ZNF43: variants seen among roughly 807,000 people sequenced by gnomAD.
ZNF43 encodes the protein zinc finger protein 43, also known as zinc finger protein 39-like 1 (KOX 27).
ZNF43 carries 44 observed loss-of-function variants against 68.4 expected under a neutral mutation model. The ratio of observed to expected loss-of-function variants is 0.64; its 90% CI spans 0.51 to 0.83. ZNF43 has a LOEUF of 0.83. Among genes scored for constraint, ZNF43 ranks in the 40% least tolerant of loss-of-function variants. The probability of loss-of-function intolerance (pLI) is 0.00; values close to 1 mark genes in which losing one functional copy is unlikely to be tolerated. For missense variants in ZNF43, 896 were observed against 933.2 expected, an observed-to-expected ratio of 0.96 and a Z score of 0.52; for synonymous variants, 308 against 307.8, an observed-to-expected ratio of 1.00 and a Z score of -0.01.
rs1320301909 is a variant in ZNF43, at chr19:21,806,745, T to C, written c.*862A>G. On this transcript the variant is annotated 3_prime_UTR_variant, in exon 4 of 4. Coordinates refer to ENST00000354959, the MANE Select transcript of ZNF43 (RefSeq NM_003423.4). ...TTCTTTTAATGTTATATACAAATAA[T>C]TTATCCACCAAGTTTTATTTTGTGT... is the stretch of plus-strand genomic sequence containing the variant. 1 of 152,238 alleles carries C rather than the reference T, an allele frequency of 6.6e-6. No homozygotes were observed. The highest frequency in any genetic ancestry group is 1.5e-5 in the Non-Finnish European group (1 of 68,038). 9.4% of individuals were successfully genotyped at this position (152,238 alleles called of 1,614,324 possible). A position where few individuals can be genotyped will look rare whatever the true frequency, so the allele number is the denominator to read the frequency against.
At chr19:21,840,255 G>T (rs898930188), upstream of ZNF43, 5 of 152,266 alleles carry the variant, frequency 3.3e-5, no homozygotes, top group Non-Finnish European at 7.3e-5. Flanking sequence ...CTAGATGTTG[G>T]ATTCAGCAAT....
At chr19:21,816,852 A>C (rs1039274826) in intron 3 of ZNF43, among the ~76,000 whole-genome samples, 3 of 152,170 alleles carry the variant, frequency 2.0e-5, no homozygotes, top group Non-Finnish European at 4.4e-5. Flanking sequence ...TCCAAAAATA[A>C]AATGGAAATT....
At chr19:21,819,049 A>T (rs2037665509) in intron 2 of ZNF43, 46 bp downstream of exon 2, 2 of 1,568,218 alleles carry the variant, frequency 1.3e-6, no homozygotes, top group Admixed American at 4.1e-5. Flanking sequence ...AACAAAAATG[A>T]AATCTTTAGG....
At chr19:21,811,658 A>G (rs2037279430) in intron 3 of ZNF43, among the ~76,000 whole-genome samples, 1 of 152,160 alleles carries the variant, frequency 6.6e-6, no homozygotes, top group South Asian at 2.1e-4. Flanking sequence ...TGACACAAAG[A>G]CAGATAAGTA....
chr19:21,815,868 G>A (rs558951929), intron 3 of ZNF43, among the ~76,000 whole-genome samples: 1 of 151,934 alleles, frequency 6.6e-6, no homozygotes, highest in Admixed American at 6.6e-5. Context: ...AGACCAACCT[G>A]ACTAACATGG....
chr19:21,824,124 T>G (rs1254959315), intron 1 of ZNF43, among the ~76,000 whole-genome samples: 2 of 152,110 alleles, frequency 1.3e-5, no homozygotes, highest in Non-Finnish European at 2.9e-5. Flanking sequence ...AGGCGGAGCT[T>G]GCAGTGCACC....
intron 1 of ZNF43, among the ~76,000 whole-genome samples, chr19:21,851,582 G>A (rs1968370528): frequency 6.9e-6 from 1 of 145,638 alleles, no homozygotes; most frequent in African/African-American, 2.6e-5. Flanking sequence ...AGAAACTGAA[G>A]ACCCCAGGGC....
At chr19:21,849,254 C>T (rs112192114) in intron 1 of ZNF43, among the ~76,000 whole-genome samples, 5,034 of 152,096 alleles carry the variant, frequency 0.033, 123 homozygotes, top group African/African-American at 0.077. Flanking sequence ...TTTGGGAGGC[C>T]GAGGCGGGTG....
upstream of ZNF43, chr19:21,838,855 G>A (rs1379722069): frequency 2.0e-5 from 3 of 152,144 alleles, no homozygotes; most frequent in African/African-American, 7.2e-5. Context: ...GCCTCCCCAG[G>A]TTAGGCATTC....
At chr19:21,819,247 C>T (rs770107196) in intron 1 of ZNF43, 26 bp from the exon 2 acceptor site, 1 of 1,553,240 alleles carries the variant, frequency 6.4e-7, no homozygotes, top group East Asian at 2.3e-5. Context: ...CATACACACA[C>T]AAACACACAC....
intron 3 of ZNF43, among the ~76,000 whole-genome samples, chr19:21,816,976 C>T (rs1309668438): frequency 1.3e-5 from 2 of 152,164 alleles, no homozygotes; most frequent in African/African-American, 4.8e-5. Context: ...GGTGGTGGCT[C>T]ATGCCTGTAA....
At position 21,807,305 on chromosome 19, in the gene ZNF43, T is replaced by C. The variant is rs528683954; in HGVS notation, c.*302A>G. On this transcript the variant is annotated 3_prime_UTR_variant, in exon 4 of 4. Transcript: ENST00000354959. Reference sequence around the variant, plus strand: ...CTTCACTTTAAAGGCTTTTATTTTCTGAAAGATCTTTTGACACTAGTTGCA... The same window carrying C: ...CTTCACTTTAAAGGCTTTTATTTTCCGAAAGATCTTTTGACACTAGTTGCA... 2.7e-4 allele frequency: 57 copies of C among 207,604 alleles called. 1 individual carries two copies. The South Asian group carries it at 8.4e-3, about 30-fold the overall frequency. 12.9% of individuals were successfully genotyped at this position (207,604 alleles called of 1,614,324 possible).
chr19:21,842,636 A>T (rs1967623737), intron 1 of ZNF43, among the ~76,000 whole-genome samples: 1 of 152,106 alleles, frequency 6.6e-6, no homozygotes, highest in African/African-American at 2.4e-5. Flanking sequence ...CACATAACCT[A>T]GGAATTGAGA....
Position 21,808,098 on chromosome 19 carries a change from C to G in ZNF43, c.1939G>C (p.Glu647Gln). The G allele has an allele frequency of 6.2e-7, 1 of 1,611,910 alleles. No homozygotes were observed. Among genetic ancestry groups the G allele is most frequent in the Non-Finnish European group, 8.5e-7 (1 of 1,179,570 alleles). Residue 647 changes from glutamate (E) to glutamine (Q), a missense_variant, in exon 4 of 4, where the codon GAG (glutamate) becomes CAG (glutamine). Transcript: ENST00000354959. ...CATTCTTCACATTTGTAGGGTTTCT[C>G]CTCAGTGTGAATTATCTTATGTTTA... ...LTKHKIIHTEEKPYKCEECGK... is the reference protein window; with the variant it reads ...LTKHKIIHTEQKPYKCEECGK...
At chr19:21,819,744 G>A (rs1353588879) in intron 1 of ZNF43, among the ~76,000 whole-genome samples, 1 of 152,122 alleles carries the variant, frequency 6.6e-6, no homozygotes, top group African/African-American at 2.4e-5. Flanking sequence ...CAAACATCCA[G>A]TAAATGGAAA....
intron 1 of ZNF43, among the ~76,000 whole-genome samples, chr19:21,828,736 GAA>G (rs201763466): frequency 8.2e-6 from 1 of 121,304 alleles, no homozygotes; most frequent in African/African-American, 3.1e-5. Context: ...TAAATTTAAG[GAA>G]AAAAAAAAAA....
intron 1 of ZNF43, 34 bp from the exon 2 acceptor site, chr19:21,819,255 C>T: frequency 1.3e-6 from 2 of 1,527,384 alleles, no homozygotes; most frequent in South Asian, 1.3e-5. Flanking sequence ...CACAAACACA[C>T]ACATTTACCA....
intron 1 of ZNF43, chr19:21,851,361 C>G (rs1968339785): frequency 2.6e-5 from 4 of 151,764 alleles, no homozygotes; most frequent in Middle Eastern, 3.2e-3. Context: ...AACCCCATCT[C>G]TAGTAAAAAT....
At chr19:21,827,920 C>T (rs2038215964) in intron 1 of ZNF43, among the ~76,000 whole-genome samples, 2 of 152,134 alleles carry the variant, frequency 1.3e-5, no homozygotes, top group South Asian at 4.1e-4. Context: ...CTCAGCCTTC[C>T]AAAGTGCTGG....
Sources: gnomAD v4.1 joint callset for allele counts (sites outside exome capture counted in the v4.1 genomes callset) on GRCh38, gnomAD v4.1.1 for gene constraint, MANE v1.5 for transcripts, NCBI Gene and HGNC (gene_info 2026-07-23, HGNC 2026-07-21) for gene names.